TRIM2: variants seen among roughly 807,000 people sequenced by gnomAD.
TRIM2 encodes the protein tripartite motif-containing protein 2.
In TRIM2, 20 loss-of-function variants were observed where a neutral mutation model predicts 75.2. That is an observed-to-expected ratio of 0.27 (90% CI 0.19 to 0.39). TRIM2 has a LOEUF of 0.39. Among genes scored for constraint, TRIM2 ranks in the 10% least tolerant of loss-of-function variants. The probability of loss-of-function intolerance (pLI) is 1.00; values close to 1 mark genes in which losing one functional copy is unlikely to be tolerated. For missense variants in TRIM2, 660 were observed against 990.8 expected, an observed-to-expected ratio of 0.67 and a Z score of 4.48; for synonymous variants, 373 against 388.3, an observed-to-expected ratio of 0.96 and a Z score of 0.46.
chr4:153,209,627 A>G (rs1383615827), intron 1 of TRIM2, among the ~76,000 whole-genome samples: 1 of 152,242 alleles, frequency 6.6e-6, no homozygotes, highest in Admixed American at 6.5e-5. Context: ...TGTTATGCAA[A>G]TAGAACTTCA....
chr4:153,233,989 C>T (rs1468232793), intron 1 of TRIM2, among the ~76,000 whole-genome samples: 1 of 152,090 alleles, frequency 6.6e-6, no homozygotes, highest in Non-Finnish European at 1.5e-5. Flanking sequence ...TAATGTAATA[C>T]CATAGCAATT....
At chr4:153,262,037 G>A (rs1317139091) in intron 1 of TRIM2, among the ~76,000 whole-genome samples, 1 of 152,180 alleles carries the variant, frequency 6.6e-6, no homozygotes, top group Non-Finnish European at 1.5e-5. Flanking sequence ...CCCACAACAA[G>A]CTCTGTTTAG....
rs184933739 is a variant in TRIM2 at position 153,214,385 on chromosome 4, T to C, written c.30+9825T>C. Among the ~76,000 whole-genome samples, 27 of 152,328 alleles carry C rather than the reference T, an allele frequency of 1.8e-4. 1 individual carries two copies. Among genetic ancestry groups the C allele is most frequent in the East Asian group, 1.2e-3 (6 of 5,188 alleles). On this transcript the variant is annotated intron_variant, in intron 1 of 11. Transcript: ENST00000338700. The stretch of plus-strand genomic sequence containing the variant: ...TTAAGAGATTAAGAGGGTCAAACTC[T>C]TTTCTGTCCATTTTAAAATGCAAGT...
intron 3 of TRIM2, among the ~76,000 whole-genome samples, chr4:153,280,403 T>C (rs1759044492): frequency 1.3e-5 from 2 of 149,892 alleles, no homozygotes; most frequent in South Asian, 2.1e-4. Context: ...TTTTTTTTGC[T>C]GGGTCTCACT....
At chr4:153,204,229 C>T (rs146804953), upstream of TRIM2, among the ~76,000 whole-genome samples, 473 of 152,306 alleles carry the variant, frequency 3.1e-3, 1 homozygote, top group Non-Finnish European at 5.1e-3. Flanking sequence ...GGACGCTTTT[C>T]CTACTGGGGG....
At position 153,289,707 on chromosome 4, in the gene TRIM2, C is replaced by T. The variant is rs114295535; in HGVS notation, c.454-3275C>T. Among the ~76,000 whole-genome samples the T allele has an allele frequency of 3.9e-3, 596 of 152,346 alleles. 2 individuals are homozygous for T. Among genetic ancestry groups the T allele is most frequent in the Non-Finnish European group, 6.8e-3 (465 of 68,038 alleles). On this transcript the variant is annotated intron_variant, in intron 3 of 11. Coordinates refer to ENST00000338700, the MANE Select transcript of TRIM2 (RefSeq NM_015271.5). ...GCAACTTCTAAATGCAATGTGCACACTGATTCCCAAGTAAAATTTGCCATT... is the reference window on the plus strand; with the variant it reads ...GCAACTTCTAAATGCAATGTGCACATTGATTCCCAAGTAAAATTTGCCATT...
intron 1 of TRIM2, among the ~76,000 whole-genome samples, chr4:153,195,998 C>G (rs571957541): frequency 1.3e-5 from 2 of 152,220 alleles, no homozygotes; most frequent in South Asian, 4.2e-4. Context: ...TTAGTAAAGA[C>G]GGGGGTTTGC....
At chr4:153,245,068 G>T (rs1042474211) in intron 1 of TRIM2, among the ~76,000 whole-genome samples, 2 of 152,184 alleles carry the variant, frequency 1.3e-5, no homozygotes, top group African/African-American at 2.4e-5. Flanking sequence ...TGCTGCACGT[G>T]TCTGTGCACA....
At chr4:153,208,154 T>C (rs899585108) in intron 1 of TRIM2, among the ~76,000 whole-genome samples, 1 of 151,988 alleles carries the variant, frequency 6.6e-6, no homozygotes, top group Admixed American at 6.6e-5. Context: ...AAAAATTAGC[T>C]GGGCATGGTG....
chr4:153,312,391 G>T lies in TRIM2; in HGVS notation c.1511-3094G>T, dbSNP rs372085217. ...AACAAACAACCCCATCAAAAAGTGG[G>T]CGAAGGACATGAACAGACACTTCTC... On this transcript the variant is annotated intron_variant, in intron 6 of 11. Coordinates refer to ENST00000338700, the MANE Select transcript of TRIM2 (RefSeq NM_015271.5). Among the ~76,000 whole-genome samples, 31 of 152,056 alleles carry T rather than the reference G, an allele frequency of 2.0e-4. No homozygotes were observed. In the East Asian group the frequency reaches 4.2e-3, roughly 21 times the overall value.
chr4:153,337,484 T>G lies in TRIM2; in HGVS notation c.*2518T>G. 1.0e-6 allele frequency: 1 copy of G among 985,852 alleles called. No individual in the cohort carries two copies. Among genetic ancestry groups the G allele is most frequent in the Non-Finnish European group, 1.2e-6 (1 of 829,934 alleles). The allele number at this position is 985,852 out of a possible 1,614,324, so 61.1% of individuals were successfully genotyped here. A position where few individuals can be genotyped will look rare whatever the true frequency, so the allele number is the denominator to read the frequency against. On this transcript the variant is annotated 3_prime_UTR_variant, in exon 12 of 12. Coordinates refer to ENST00000338700, the MANE Select transcript of TRIM2 (RefSeq NM_015271.5). Reference sequence around the variant, plus strand: ...CTATGTGTTGCTAAAACACATGCTATGAGCACTCCAGGAAACACTATATTT... The same window carrying G: ...CTATGTGTTGCTAAAACACATGCTAGGAGCACTCCAGGAAACACTATATTT...
intron 6 of TRIM2, among the ~76,000 whole-genome samples, chr4:153,305,834 G>A (rs76717301): frequency 1.3e-5 from 2 of 152,148 alleles, no homozygotes; most frequent in Admixed American, 6.5e-5. Flanking sequence ...TTTCTGGGGG[G>A]ACCCATTCAA....
chr4:153,256,989 G>C (rs1752221695), intron 1 of TRIM2, among the ~76,000 whole-genome samples: 1 of 152,188 alleles, frequency 6.6e-6, no homozygotes. Flanking sequence ...AAGGAAATCA[G>C]TCGTCTCTCT....
intron 1 of TRIM2, among the ~76,000 whole-genome samples, chr4:153,249,470 G>A (rs144932789): frequency 2.6e-5 from 4 of 152,384 alleles, no homozygotes; most frequent in East Asian, 3.9e-4. Context: ...CAGTAGAGAG[G>A]AACATTTGCG....
chr4:153,227,529 A>G (rs1014895858), intron 1 of TRIM2, among the ~76,000 whole-genome samples: 1 of 152,164 alleles, frequency 6.6e-6, no homozygotes, highest in Non-Finnish European at 1.5e-5. Context: ...TGCACATTCA[A>G]CGATGGTGTG....
chr4:153,264,029 C>T (rs1018532823), intron 1 of TRIM2, among the ~76,000 whole-genome samples: 8 of 152,138 alleles, frequency 5.3e-5, no homozygotes, highest in Admixed American at 3.9e-4. Flanking sequence ...GGAGGTGACC[C>T]GTGCTACGGA....
intron 1 of TRIM2, among the ~76,000 whole-genome samples, chr4:153,254,676 T>C (rs1046923324): frequency 1.4e-4 from 21 of 152,222 alleles, no homozygotes; most frequent in Non-Finnish European, 2.9e-5. Flanking sequence ...TTATAAACAG[T>C]TGGACTCATT....
At chr4:153,329,344 A>C (rs1008911693) in intron 11 of TRIM2, among the ~76,000 whole-genome samples, 8 of 152,068 alleles carry the variant, frequency 5.3e-5, no homozygotes, top group Admixed American at 1.3e-4. Context: ...AAAATTGTAA[A>C]ATATATTGGA....
chr4:153,159,494 C>G (rs1289191739), intron 1 of TRIM2, among the ~76,000 whole-genome samples: 1 of 151,740 alleles, frequency 6.6e-6, no homozygotes, highest in African/African-American at 2.4e-5. Context: ...TTTGAAGAGA[C>G]AGGGTCTCGC....
Sources: allele counts gnomAD v4.1 joint callset (sites outside exome capture counted in the v4.1 genomes callset), GRCh38; gene constraint gnomAD v4.1.1; transcripts MANE v1.5; gene names NCBI Gene and HGNC (gene_info 2026-07-23, HGNC 2026-07-21).